The following LTN1 variants were observed in gnomAD, a reference collection of about 807,000 sequenced individuals.
LTN1 encodes E3 ubiquitin-protein ligase listerin.
LTN1 carries 88 observed loss-of-function variants against 201.2 expected under a neutral mutation model. The observed-to-expected ratio is 0.44, with a 90% confidence interval of 0.37 to 0.52. The LOEUF (loss-of-function observed/expected upper bound fraction) is 0.52. Among genes scored for constraint, LTN1 ranks in the 20% least tolerant of loss-of-function variants. The pLI is 0.00. For missense variants in LTN1, 1,752 were observed against 2,038.7 expected (o/e 0.86, Z 2.71); for synonymous variants, 645 against 713.5 (o/e 0.90, Z 1.53).
intron 29 of LTN1, 84 bp from the exon 30 acceptor site, chr21:28,930,594 G>C: frequency 1.2e-6 from 1 of 846,626 alleles, no homozygotes; most frequent in South Asian, 1.7e-5. Flanking sequence ...TACATCTATA[G>C]TAACCTTCAA....
Position 28,981,260 on chromosome 21 carries a change from C to T in LTN1, c.669G>A (p.Arg223=), listed in dbSNP as rs1403466871. ...PEEEREAKFY[R]VVTCSLLALK... ...ATGCCAATAAGGAACAAGTTACAACCCGGTAGAATTTAGCTTCTCTTTCTT... is the reference window on the plus strand; with the variant it reads ...ATGCCAATAAGGAACAAGTTACAACTCGGTAGAATTTAGCTTCTCTTTCTT... Residue 223 remains arginine (R), a synonymous_variant, in exon 6 of 30, where the codon CGG becomes CGA. Transcript: ENST00000361371. 1 of 1,569,122 alleles carries T rather than the reference C, an allele frequency of 6.4e-7. No homozygotes were observed.
chr21:28,946,260 T>A lies in LTN1; in HGVS notation c.3515A>T (p.Asn1172Ile). The change falls in exon 20 of 30, where the codon AAT (asparagine) becomes ATT (isoleucine). Residue 1172 changes from asparagine (N) to isoleucine (I), a missense_variant. Around this residue, in one of 3 missense-constraint regions of LTN1, gnomAD observed 1,211 missense variants for 1,312.8 expected, o/e 0.92. Coordinates refer to ENST00000361371, the MANE Select transcript of LTN1 (RefSeq NM_015565.3). The part of the protein sequence containing the change: ...NGGFGHLAIF[N>I]SCLQTKSIDD... ...TATACTTTTGGTTTGCAGACAAGAA[T>A]TGAAAATGGCAAGATGTCCAAAACC... The A allele has an allele frequency of 6.3e-7, 1 of 1,580,476 alleles. No homozygotes were observed. Among genetic ancestry groups the A allele is most frequent in the South Asian group, 1.2e-5 (1 of 83,664 alleles).
At chr21:28,962,353 T>C (rs544404143) in intron 11 of LTN1, among the ~76,000 whole-genome samples, 6 of 152,342 alleles carry the variant, frequency 3.9e-5, no homozygotes, top group African/African-American at 1.2e-4. Context: ...TACAACAATA[T>C]ATGCTCATTT....
chr21:28,940,214 C>G (rs1440413311), intron 25 of LTN1, among the ~76,000 whole-genome samples: 2 of 152,202 alleles, frequency 1.3e-5, no homozygotes, highest in African/African-American at 2.4e-5. Context: ...GGGTCTGGCT[C>G]TGTCGCCCAG....
At position 28,931,333 on chromosome 21, in the gene LTN1, G is replaced by A; in HGVS notation, c.5071-11C>T. ...CATAATACTTCCATTCTGTTAACAA[G>A]AAGAAAAATAAGTCACTACACACTG... On this transcript the variant is annotated splice_polypyrimidine_tract_variant and intron_variant, in intron 28 of 29. Coordinates refer to ENST00000361371, the MANE Select transcript of LTN1 (RefSeq NM_015565.3). 1 of 1,553,410 alleles carries A rather than the reference G, an allele frequency of 6.4e-7. No individual in the cohort carries two copies. Among genetic ancestry groups the A allele is most frequent in the Non-Finnish European group, 8.7e-7 (1 of 1,144,868 alleles).
Position 28,944,444 on chromosome 21 carries a change from C to G in LTN1, c.3921G>C (p.Trp1307Cys). 1 of 1,614,006 alleles carries G rather than the reference C, an allele frequency of 6.2e-7. No individual in the cohort carries two copies. The highest frequency in any genetic ancestry group is 8.5e-7 in the Non-Finnish European group (1 of 1,179,944). The change falls in exon 22 of 30, where the codon TGG (tryptophan) becomes TGC (cysteine). Residue 1307 changes from tryptophan (W) to cysteine (C), a missense_variant. Physicochemically the swap from Trp to Cys is radical, Grantham distance 215. Coordinates refer to ENST00000361371, the MANE Select transcript of LTN1 (RefSeq NM_015565.3). The stretch of plus-strand genomic sequence containing the variant: ...GGATGCCTTGGGAAAAAAATTCTTT[C>G]CATTCACTGATTAGATTTACAGGAA... ...GNLPVNLISEWKEFFSQGIHS... is the reference protein window; with the variant it reads ...GNLPVNLISECKEFFSQGIHS...
rs114830788 is a variant in LTN1, at chr21:28,966,823, T to C, written c.1668A>G (p.Val556=). 40 of 1,612,154 alleles carry C rather than the reference T, an allele frequency of 2.5e-5. No individual in the cohort carries two copies. In the African/African-American group the frequency reaches 5.1e-4, roughly 20 times the overall value. ...CTTCAATCTTCTCTCCTTCTGAAGA[T>C]ACACATTTTTCATTCTCTTTATTGC... The part of the protein sequence containing the change: ...LESNKENEKC[V]SSEGEKIEGW... Residue 556 remains valine, a synonymous_variant, in exon 10 of 30, where the codon GTA becomes GTG. Coordinates refer to ENST00000361371, the MANE Select transcript of LTN1 (RefSeq NM_015565.3).
In LTN1 at chr21:28,971,324, T is replaced by C. The variant is rs139463338; in HGVS notation, c.931A>G (p.Ile311Val). The change falls in exon 7 of 30, where the codon ATT (isoleucine) becomes GTT (valine). Residue 311 changes from isoleucine to valine, a missense_variant. By Grantham distance (29) the Ile-to-Val change is conservative. Around this residue, in one of 3 missense-constraint regions of LTN1, gnomAD observed 280 missense variants for 375.7 expected, o/e 0.75. Transcript: ENST00000361371. ...VLLSIDDSDP[I>V]VCPALWEAVL... ...GCTTCCCAGAGAGCTGGGCAGACAA[T>C]TGGGTCACTGTCATCAATGCTAAGT... 40 of 1,614,072 alleles carry C rather than the reference T, an allele frequency of 2.5e-5. No individual in the cohort carries two copies. Among genetic ancestry groups the C allele is most frequent in the African/African-American group, 1.7e-4 (13 of 75,048 alleles).
intron 8 of LTN1, among the ~76,000 whole-genome samples, chr21:28,969,857 C>CA (rs1555846259): frequency 2.0e-5 from 3 of 150,454 alleles, no homozygotes; most frequent in African/African-American, 7.3e-5. Context: ...TCTTTTTCTT[C>CA]TTTTTTTTTA....
rs771488013 is a variant in LTN1, at chr21:28,982,271, G to C, written c.629+45C>G. ...TGAAATCATCTGATTACTTATGAGT[G>C]AAACAAATCCTTAACATGAGTTACA... On this transcript the variant is annotated intron_variant, in intron 5 of 29. Transcript: ENST00000361371. 8.0e-6 allele frequency: 12 copies of C among 1,500,888 alleles called. No individual in the cohort carries two copies. The Admixed American group carries it at 2.0e-4, about 25-fold the overall frequency. 93.0% of individuals were successfully genotyped at this position (1,500,888 alleles called of 1,614,324 possible).
At position 28,966,927 on chromosome 21, in the gene LTN1, G is replaced by A. The variant is rs771820659; in HGVS notation, c.1564C>T (p.Leu522Phe). Residue 522 changes from leucine (L) to phenylalanine (F), a missense_variant, in exon 10 of 30, where the codon CTT becomes TTT. By Grantham distance (22) the Leu-to-Phe change is conservative. Around this residue, in one of 3 missense-constraint regions of LTN1, gnomAD observed 1,211 missense variants for 1,312.8 expected, o/e 0.92. Coordinates refer to ENST00000361371, the MANE Select transcript of LTN1 (RefSeq NM_015565.3). ...TTCAATGAGCTCTTCGGCTTCTGAA[G>A]CACCTGTAATAGGTTAGATACACCC... ...VLGVSNLLQVLQKPKSSLKSS... is the reference protein window; with the variant it reads ...VLGVSNLLQVFQKPKSSLKSS... The A allele has an allele frequency of 1.9e-6, 3 of 1,612,958 alleles. No individual in the cohort carries two copies. Among genetic ancestry groups the A allele is most frequent in the East Asian group, 4.5e-5 (2 of 44,850 alleles).
At chr21:28,959,390 C>A in intron 13 of LTN1, 68 bp downstream of exon 13, 1 of 1,531,748 alleles carries the variant, frequency 6.5e-7, no homozygotes, top group South Asian at 1.3e-5. Context: ...AAAGCCTGGG[C>A]ACTTACACTC....
rs866111669 is a variant in LTN1, at chr21:28,932,423, T to A, written c.5070+47A>T. 5.6e-6 allele frequency: 8 copies of A among 1,435,950 alleles called. No homozygotes were observed. The Admixed American group carries it at 1.3e-4, about 23-fold the overall frequency. 89.0% of individuals were successfully genotyped at this position (1,435,950 alleles called of 1,614,324 possible). On this transcript the variant is annotated intron_variant, in intron 28 of 29. Coordinates refer to ENST00000361371, the MANE Select transcript of LTN1 (RefSeq NM_015565.3). ...ATGTTTAAATGCCCTTTTAAATAGATCATCTTTTCCAAGTTTGTAAAGCCA... is the reference window on the plus strand; with the variant it reads ...ATGTTTAAATGCCCTTTTAAATAGAACATCTTTTCCAAGTTTGTAAAGCCA...
At chr21:28,956,971 A>C in intron 15 of LTN1, 23 bp from the exon 16 acceptor site, 1 of 1,434,108 alleles carries the variant, frequency 7.0e-7, no homozygotes. Context: ...TACGTTATAT[A>C]CAAAATTATT....
rs138471527 is a variant in LTN1 at position 28,952,370 on chromosome 21, T to C, written c.3240-106A>G. 944 of 616,702 alleles carry C rather than the reference T, an allele frequency of 1.5e-3. 2 individuals are homozygous for C. The highest frequency in any genetic ancestry group is 7.6e-3 in the African/African-American group (407 of 53,620). 38.2% of individuals were successfully genotyped at this position (616,702 alleles called of 1,614,324 possible). On this transcript the variant is annotated intron_variant, in intron 17 of 29. Coordinates refer to ENST00000361371, the MANE Select transcript of LTN1 (RefSeq NM_015565.3). Reference sequence around the variant, plus strand: ...CTTTTACAGAATTAAATAAAGCACCTTGTGATGGCATCAATTCACCTAAGA... The same window carrying C: ...CTTTTACAGAATTAAATAAAGCACCCTGTGATGGCATCAATTCACCTAAGA...
In LTN1 at chr21:28,958,392, A is replaced by G; in HGVS notation, c.2741T>C (p.Ile914Thr). 1.9e-6 allele frequency: 3 copies of G among 1,600,008 alleles called. No homozygotes were observed. The highest frequency in any genetic ancestry group is 2.6e-6 in the Non-Finnish European group (3 of 1,176,462). The change falls in exon 14 of 30, where the codon ATC becomes ACC. Residue 914 changes from isoleucine to threonine, a missense_variant. Around this residue, in one of 3 missense-constraint regions of LTN1, gnomAD observed 1,211 missense variants for 1,312.8 expected, o/e 0.92. Coordinates refer to ENST00000361371, the MANE Select transcript of LTN1 (RefSeq NM_015565.3). ...CAAGCTCAAAAAAGGTTACCTGTTGATATCCAAAGATGAAGCCTGAACTTG... is the reference window on the plus strand; with the variant it reads ...CAAGCTCAAAAAAGGTTACCTGTTGGTATCCAAAGATGAAGCCTGAACTTG... ...KNQVQASSLD[I>T]NSLQVLLSAV...
In LTN1 at chr21:28,986,720, A is replaced by G. The variant is rs367699567; in HGVS notation, c.246+11T>C. 6.3e-6 allele frequency: 10 copies of G among 1,599,162 alleles called. No individual in the cohort carries two copies. Among genetic ancestry groups the G allele is most frequent in the African/African-American group, 4.0e-5 (3 of 74,462 alleles). ...TTTCTTGATAATTTTTATGAAAACA[A>G]GAAAACTTGCTTTTAATTTTGTGGT... On this transcript the variant is annotated intron_variant, in intron 2 of 29. Coordinates refer to ENST00000361371, the MANE Select transcript of LTN1 (RefSeq NM_015565.3). This position sits in a 1 kb window ranked among gnomAD's most constrained non-coding sequence, Gnocchi z 4.1.
In LTN1 at chr21:28,932,806, A is replaced by T; in HGVS notation, c.4876-142T>A. 3 of 577,818 alleles carry T rather than the reference A, an allele frequency of 5.2e-6. No individual in the cohort carries two copies. The East Asian group carries it at 8.8e-5, about 17-fold the overall frequency. The allele number at this position is 577,818 out of a possible 1,614,324, so 35.8% of individuals were successfully genotyped here. A position where few individuals can be genotyped will look rare whatever the true frequency, so the allele number is the denominator to read the frequency against. On this transcript the variant is annotated intron_variant, in intron 27 of 29. Coordinates refer to ENST00000361371, the MANE Select transcript of LTN1 (RefSeq NM_015565.3). ...ACATTCACTTATCTGACATGAGATA[A>T]TTAAGAAATACGTTTAAATACCTGC...
chr21:28,959,405 T>C (rs2084455035), intron 13 of LTN1, 53 bp downstream of exon 13: 6 of 1,575,066 alleles, frequency 3.8e-6, no homozygotes, highest in African/African-American at 2.7e-5. Context: ...ACACTCACTA[T>C]GAAGGTCAGA....
Sources: gnomAD v4.1 joint callset for allele counts (sites outside exome capture counted in the v4.1 genomes callset) on GRCh38, gnomAD v4.1.1 for gene constraint, gnomAD v4.1.1 regional missense constraint, Gnocchi (gnomAD v3.1) non-coding constraint, MANE v1.5 for transcripts, NCBI Gene and HGNC (gene_info 2026-07-23, HGNC 2026-07-21) for gene names.